Variants in ADH6 observed in about 807,000 individuals in gnomAD.
ADH6 encodes the protein alcohol dehydrogenase 6 (class V).
A neutral mutation model predicts 36.5 loss-of-function variants in ADH6; 34 were observed. The observed-to-expected ratio is 0.93, with a 90% CI of 0.71 to 1.24. The LOEUF is 1.24. ADH6 is among the 50% of genes most tolerant of loss of function. The pLI is 0.00. For missense variants in ADH6, 440 were observed against 447.0 expected (o/e 0.98, Z 0.14); for synonymous variants, 161 against 155.5 (o/e 1.04, Z -0.26).
intron 7 of ADH6, 110 bp downstream of exon 7, chr4:99,207,336 G>A: frequency 7.1e-7 from 1 of 1,414,484 alleles, no homozygotes. Context: ...AAAAAAATCT[G>A]TAATATAAAG....
rs191512358 is a variant in ADH6 at position 99,216,228 on chromosome 4, G to A, written c.53C>T (p.Pro18Leu). Residue 18 changes from proline (P) to leucine (L), a missense_variant, in exon 2 of 9, where the codon CCT becomes CTT. Pro to Leu is a moderately conservative substitution (Grantham distance 98). Coordinates refer to ENST00000394899, the MANE Select transcript of ADH6 (RefSeq NM_001102470.2). ...CTCTTCAATAGAAAATGGTGCACCA[G>A]GCTTCCAGAGTATGGCTGCTTTGCA... ...IRCKAAILWK[P>L]GAPFSIEEVE... The A allele has an allele frequency of 6.3e-7, 1 of 1,585,294 alleles. No individual in the cohort carries two copies. Among genetic ancestry groups the A allele is most frequent in the Non-Finnish European group, 8.6e-7 (1 of 1,166,766 alleles).
chr4:99,218,007 C>T (rs1731511629), intron 1 of ADH6, among the ~76,000 whole-genome samples: 1 of 152,136 alleles, frequency 6.6e-6, no homozygotes, highest in Admixed American at 6.5e-5. Flanking sequence ...ACTATAAATT[C>T]TCTTTCTGTG....
chr4:99,204,115 T>C lies in ADH6; in HGVS notation c.*104A>G, dbSNP rs1405108448. The C allele has an allele frequency of 1.4e-6, 2 of 1,381,636 alleles. No homozygotes were observed. Among genetic ancestry groups the C allele is most frequent in the Non-Finnish European group, 9.9e-7 (1 of 1,008,154 alleles). The allele number at this position is 1,381,636 out of a possible 1,614,324, so 85.6% of individuals were successfully genotyped here. A position where few individuals can be genotyped will look rare whatever the true frequency, so the allele number is the denominator to read the frequency against. On this transcript the variant is annotated 3_prime_UTR_variant, in exon 9 of 9. Transcript: ENST00000394899. Reference sequence around the variant, plus strand: ...GCGGAGTGAATCAGAAGTCAGAATATAGAAATGGGATTGGGTGAATAATTC... The same window carrying C: ...GCGGAGTGAATCAGAAGTCAGAATACAGAAATGGGATTGGGTGAATAATTC...
intron 2 of ADH6, 43 bp from the exon 3 acceptor site, chr4:99,213,790 A>C (rs561644093): frequency 6.7e-7 from 1 of 1,499,048 alleles, no homozygotes. Flanking sequence ...GCTGTTTCAG[A>C]TAATGGTGTT....
At chr4:99,218,641 A>G (rs1308128274) in intron 1 of ADH6, among the ~76,000 whole-genome samples, 1 of 152,136 alleles carries the variant, frequency 6.6e-6, no homozygotes, top group East Asian at 1.9e-4. Context: ...AGCTTCTTGC[A>G]TGGGATATTT....
chr4:99,205,347 GA>G (rs1446859390), intron 7 of ADH6, among the ~76,000 whole-genome samples: 1 of 152,084 alleles, frequency 6.6e-6, no homozygotes, highest in African/African-American at 2.4e-5. Context: ...AATCTCTGGG[GA>G]GCAGTGAATC....
rs748800245 is a variant in ADH6 at position 99,203,889 on chromosome 4, G to T, written c.*330C>A. The stretch of plus-strand genomic sequence containing the variant: ...TGTGAGAGAGACATATAGTGTACAA[G>T]AATATAAAGGTCCACAGGTAGAGGA... On this transcript the variant is annotated 3_prime_UTR_variant, in exon 9 of 9. Transcript: ENST00000394899. The T allele has an allele frequency of 3.8e-5, 10 of 260,174 alleles. No individual in the cohort carries two copies. Among genetic ancestry groups the T allele is most frequent in the Non-Finnish European group, 7.2e-5 (10 of 139,178 alleles). 16.1% of individuals were successfully genotyped at this position (260,174 alleles called of 1,614,324 possible).
In ADH6 at chr4:99,216,110, G is replaced by A. The variant is rs748352979; in HGVS notation, c.120+51C>T. ...AAGAATATGTAACTTACAGTAAGAA[G>A]CTCTGGCTTTTGGCTTTTGGTGTGA... On this transcript the variant is annotated intron_variant, in intron 2 of 8. Coordinates refer to ENST00000394899, the MANE Select transcript of ADH6 (RefSeq NM_001102470.2). 9.1e-6 allele frequency: 10 copies of A among 1,093,264 alleles called. 1 individual carries two copies. The highest frequency in any genetic ancestry group is 8.2e-5 in the African/African-American group (5 of 61,012). The allele number at this position is 1,093,264 out of a possible 1,614,324, so 67.7% of individuals were successfully genotyped here.
rs1579437863 is a variant in ADH6 at position 99,203,913 on chromosome 4, G to A, written c.*306C>T. The A allele has an allele frequency of 6.1e-6, 2 of 328,484 alleles. No homozygotes were observed. The highest frequency in any genetic ancestry group is 1.1e-4 in the East Asian group (2 of 17,640). 20.3% of individuals were successfully genotyped at this position (328,484 alleles called of 1,614,324 possible). Reference sequence around the variant, plus strand: ...AGAATATAAAGGTCCACAGGTAGAGGAACTATGAAAATGGGAGCATCTTGC... The same window carrying A: ...AGAATATAAAGGTCCACAGGTAGAGAAACTATGAAAATGGGAGCATCTTGC... On this transcript the variant is annotated 3_prime_UTR_variant, in exon 9 of 9. Transcript: ENST00000394899.
chr4:99,204,506 T>C (rs933852889), intron 8 of ADH6: 2 of 1,295,134 alleles, frequency 1.5e-6, no homozygotes, highest in African/African-American at 3.1e-5. Context: ...GGGTCAAAGA[T>C]AGGATTCAGA....
Position 99,204,256 on chromosome 4 carries a change from A to G in ADH6, c.1104-13T>C. 1 of 1,599,140 alleles carries G rather than the reference A, an allele frequency of 6.3e-7. No homozygotes were observed. Among genetic ancestry groups the G allele is most frequent in the South Asian group, 1.1e-5 (1 of 90,048 alleles). ...GATACAGCGGATACTGAAAAAAAGA[A>G]GAAGAGAAAAAAGGTTGGAACATTT... On this transcript the variant is annotated splice_polypyrimidine_tract_variant and intron_variant, in intron 8 of 8. Coordinates refer to ENST00000394899, the MANE Select transcript of ADH6 (RefSeq NM_001102470.2).
chr4:99,210,476 G>A lies in ADH6; in HGVS notation c.289C>T (p.Pro97Ser). The A allele has an allele frequency of 6.2e-7, 1 of 1,611,592 alleles. No individual in the cohort carries two copies. Among genetic ancestry groups the A allele is most frequent in the Non-Finnish European group, 8.5e-7 (1 of 1,178,996 alleles). The change falls in exon 4 of 9, where the codon CCA becomes TCA. Residue 97 changes from proline (P) to serine (S), a missense_variant. Physicochemically the swap from Pro to Ser is moderately conservative, Grantham distance 74 (BLOSUM62 -1). Transcript: ENST00000394899. The stretch of plus-strand genomic sequence containing the variant: ...CAAGAGGTACATTCTCCACACTGTG[G>A]CAGAAAGAGTGTGATAACTTTGTCA... ...PGDKVITLFL[P>S]QCGECTSCLN...
At chr4:99,210,625 T>G in intron 3 of ADH6, 123 bp from the exon 4 acceptor site, 1 of 715,658 alleles carries the variant, frequency 1.4e-6, no homozygotes, top group South Asian at 1.8e-5. Context: ...ATTTCCACAT[T>G]CAGTTGTGCT....
intron 7 of ADH6, among the ~76,000 whole-genome samples, chr4:99,205,405 G>T (rs910222008): frequency 1.3e-5 from 2 of 152,082 alleles, no homozygotes; most frequent in Non-Finnish European, 2.9e-5. Context: ...ATCATGGAAA[G>T]AAGCAATTCA....
chr4:99,217,185 A>ATGTG (rs1731468625), intron 1 of ADH6, among the ~76,000 whole-genome samples: 1 of 151,956 alleles, frequency 6.6e-6, no homozygotes, highest in Admixed American at 6.6e-5. Context: ...ACAGGCGCCC[A>ATGTG]CCACCACGCC....
chr4:99,213,718 C>G lies in ADH6; in HGVS notation c.150G>C (p.Glu50Asp). The change falls in exon 3 of 9, where the codon GAG becomes GAC. Residue 50 changes from glutamate to aspartate, a missense_variant. Coordinates refer to ENST00000394899, the MANE Select transcript of ADH6 (RefSeq NM_001102470.2). ...KVVATGLCGT[E>D]MKVLGSKHLD... ...AGTGTTTACTCCCCAACACTTTCAT[C>G]TCTGTACCACACAGTCCGGTGGCCA... The G allele has an allele frequency of 6.2e-7, 1 of 1,613,624 alleles. No individual in the cohort carries two copies. The highest frequency in any genetic ancestry group is 8.5e-7 in the Non-Finnish European group (1 of 1,179,794).
chr4:99,216,192 G>A lies in ADH6; in HGVS notation c.89C>T (p.Ala30Val). The change falls in exon 2 of 9, where the codon GCC (alanine) becomes GTC (valine). Residue 30 changes from alanine to valine, a missense_variant. Coordinates refer to ENST00000394899, the MANE Select transcript of ADH6 (RefSeq NM_001102470.2). ...APFSIEEVEV[A>V]PPKAKEVRIK... Reference sequence around the variant, plus strand: ...GCGAACTTCCTTTGCCTTTGGTGGGGCCACTTCTACCTCTTCAATAGAAAA... The same window carrying A: ...GCGAACTTCCTTTGCCTTTGGTGGGACCACTTCTACCTCTTCAATAGAAAA... The A allele has an allele frequency of 1.3e-6, 2 of 1,551,082 alleles. No homozygotes were observed. The highest frequency in any genetic ancestry group is 1.7e-4 in the Middle Eastern group (1 of 5,720).
intron 1 of ADH6, among the ~76,000 whole-genome samples, chr4:99,218,341 ACAGT>A (rs1049207159): frequency 6.6e-6 from 1 of 152,108 alleles, no homozygotes. Context: ...CTCAATCTTC[ACAGT>A]CTAAATTTTT....
chr4:99,215,027 C>T (rs1037485002), intron 2 of ADH6, among the ~76,000 whole-genome samples: 3 of 152,300 alleles, frequency 2.0e-5, no homozygotes, highest in Non-Finnish European at 2.9e-5. Flanking sequence ...CATTGCCTAC[C>T]ATCACTTACT....
Sources: gnomAD v4.1 joint callset for allele counts (sites outside exome capture counted in the v4.1 genomes callset) on GRCh38, gnomAD v4.1.1 for gene constraint, MANE v1.5 for transcripts, NCBI Gene and HGNC (gene_info 2026-07-23, HGNC 2026-07-21) for gene names.